The following TENM1 variants were observed in gnomAD, a reference collection of about 807,000 sequenced individuals.
The protein encoded by TENM1 is teneurin transmembrane protein 1.
A neutral mutation model predicts 174.8 loss-of-function variants in TENM1; 35 were observed. The ratio of observed to expected loss-of-function variants is 0.20; its 90% confidence interval spans 0.15 to 0.27. The LOEUF is 0.27. TENM1 is among the 10% of genes least tolerant of loss of function. The probability of loss-of-function intolerance (pLI) is 1.00; values close to 1 mark genes in which losing one functional copy is unlikely to be tolerated. For synonymous variants in TENM1, 781 were observed against 798.7 expected, an observed-to-expected ratio of 0.98 and a Z score of 0.37; for missense variants, 1,633 against 2,130.1, an observed-to-expected ratio of 0.77 and a Z score of 4.59.
intron 3 of TENM1, among the ~76,000 whole-genome samples, chrX:124,775,564 T>G (rs762793329): frequency 1.0e-3 from 115 of 112,146 alleles, no homozygotes; most frequent in African/African-American, 3.4e-3. Flanking sequence ...TCTTGTCTGA[T>G]AGCGAGAGAG....
At chrX:124,804,296 C>G (rs1437647511) in intron 3 of TENM1, among the ~76,000 whole-genome samples, 1 of 111,904 alleles carries the variant, frequency 8.9e-6, no homozygotes, top group East Asian at 2.8e-4. Flanking sequence ...CAAAGAGGAC[C>G]TTATTTCCTA....
chrX:124,823,993 C>T (rs1262594992), intron 3 of TENM1, among the ~76,000 whole-genome samples: 1 of 111,694 alleles, frequency 9.0e-6, no homozygotes, highest in Non-Finnish European at 1.9e-5. Flanking sequence ...TAAAGCATTT[C>T]AGCTAATACT....
chrX:124,647,125 G>A (rs1208693936), intron 8 of TENM1, among the ~76,000 whole-genome samples: 2 of 111,763 alleles, frequency 1.8e-5, no homozygotes, highest in Non-Finnish European at 3.8e-5. Context: ...GCTAAAAAAT[G>A]TACCAGGATT....
rs192520620 is a variant in TENM1, at chrX:124,739,396, A to G, written c.536-2199T>C. On this transcript the variant is annotated intron_variant, in intron 3 of 31. Transcript: ENST00000422452. ...CTCCACTCGCCATTTTACAGATGAG[A>G]AACCCAAGACCCAAAGAGGTGAACT... is the stretch of plus-strand genomic sequence containing the variant. Among the ~76,000 whole-genome samples the G allele has an allele frequency of 4.5e-5, 5 of 111,935 alleles. No homozygotes were observed. In the East Asian group the frequency reaches 1.4e-3, roughly 32 times the overall value.
At chrX:124,471,103 C>T (rs1444126664) in intron 22 of TENM1, among the ~76,000 whole-genome samples, 1 of 88,088 alleles carries the variant, frequency 1.1e-5, no homozygotes, top group East Asian at 3.4e-4. Flanking sequence ...AACTTTCTCT[C>T]TCTATATACA....
chrX:124,543,783 T>G (rs749356358), intron 15 of TENM1, among the ~76,000 whole-genome samples: 1 of 111,150 alleles, frequency 9.0e-6, no homozygotes, highest in South Asian at 3.8e-4. Flanking sequence ...CCCAAGATCT[T>G]CACCATGGGC....
intron 18 of TENM1, among the ~76,000 whole-genome samples, chrX:124,507,294 T>C (rs996318953): frequency 5.4e-5 from 6 of 111,061 alleles, no homozygotes; most frequent in African/African-American, 2.0e-4. Context: ...TATGGAATAA[T>C]ACTTTCTCTG....
chrX:125,005,407 TTGTGTGTGTG>T, the TENM1 span, among the ~76,000 whole-genome samples: 30 of 89,491 alleles, frequency 3.4e-4, no homozygotes, highest in South Asian at 3.7e-3. Flanking sequence ...CCTGACTTGG[TTGTGTGTGTG>T]TGTGTGTGTG....
At chrX:124,821,928 A>T (rs769449222) in intron 3 of TENM1, among the ~76,000 whole-genome samples, 1 of 112,107 alleles carries the variant, frequency 8.9e-6, no homozygotes, top group African/African-American at 3.2e-5. Context: ...CTAGGGTACA[A>T]TTATGGCCTG....
At chrX:125,142,163 C>T in the TENM1 span, among the ~76,000 whole-genome samples, 2 of 111,546 alleles carry the variant, frequency 1.8e-5, no homozygotes, top group Admixed American at 9.6e-5. Context: ...ACTTTTATTG[C>T]TTTTTACGCT....
chrX:124,406,253 AG>A, intron 26 of TENM1, 63 bp downstream of exon 29: 1 of 889,741 alleles, frequency 1.1e-6, no homozygotes, highest in East Asian at 3.1e-5. Context: ...TGGTGTACGC[AG>A]GTTTCAAGGT....
intron 1 of TENM1, among the ~76,000 whole-genome samples, chrX:124,916,343 T>A (rs2147659237): frequency 9.0e-6 from 1 of 111,512 alleles, no homozygotes; most frequent in Non-Finnish European, 1.9e-5. Context: ...GGTCTTGTCC[T>A]GTCACTCAGG....
At chrX:124,891,558 C>T (rs1217800070) in intron 3 of TENM1, among the ~76,000 whole-genome samples, 1 of 109,129 alleles carries the variant, frequency 9.2e-6, no homozygotes, top group Non-Finnish European at 1.9e-5. Context: ...ACTTGGGAGG[C>T]TGAGGCAGGA....
intron 3 of TENM1, among the ~76,000 whole-genome samples, chrX:124,827,270 C>T (rs759018235): frequency 2.0e-4 from 22 of 111,561 alleles, no homozygotes; most frequent in Admixed American, 6.7e-4. Context: ...AGGCTGGTCT[C>T]GAACTCCTGA....
chrX:124,674,717 A>C (rs955280519), intron 5 of TENM1, among the ~76,000 whole-genome samples: 5 of 110,839 alleles, frequency 4.5e-5, no homozygotes, highest in African/African-American at 6.5e-5. Context: ...TTGCCAATGG[A>C]CTCTAGTTTA....
At chrX:125,161,507 C>T in the TENM1 span, among the ~76,000 whole-genome samples, 1 of 111,621 alleles carries the variant, frequency 9.0e-6, no homozygotes, top group Non-Finnish European at 1.9e-5. Flanking sequence ...ACCTTGAAAA[C>T]ATTATGCTTA....
chrX:125,049,691 T>C, the TENM1 span, among the ~76,000 whole-genome samples: 1 of 111,713 alleles, frequency 9.0e-6, no homozygotes, highest in East Asian at 2.8e-4. Context: ...AAATACTTGG[T>C]ATTGTCTTTA....
chrX:125,063,578 C>T, the TENM1 span, among the ~76,000 whole-genome samples: 1 of 111,860 alleles, frequency 8.9e-6, no homozygotes, highest in South Asian at 3.7e-4. Context: ...TCATCACTGG[C>T]CATCAGAGAA....
Position 124,592,470 on chromosome X carries a change from C to G in TENM1, c.2078-26910G>C, listed in dbSNP as rs1486042606. Reference sequence around the variant, plus strand: ...TTTTTTTTTGAGACAGAGTATTGCTCTGTCACCCAGGCTAGAGTGTAGTAG... The same window carrying G: ...TTTTTTTTTGAGACAGAGTATTGCTGTGTCACCCAGGCTAGAGTGTAGTAG... On this transcript the variant is annotated intron_variant, in intron 11 of 31. Transcript: ENST00000422452. 3.2e-5 allele frequency among the ~76,000 whole-genome samples: 3 copies of G among 92,449 alleles called. No individual in the cohort carries two copies. In the East Asian group the frequency reaches 1.1e-3, roughly 33 times the overall value. 80.3% of individuals were successfully genotyped at this position (92,449 alleles called of 115,157 possible).
Sources: allele counts gnomAD v4.1 joint callset (sites outside exome capture counted in the v4.1 genomes callset), GRCh38; gene constraint gnomAD v4.1.1; transcripts MANE v1.5; gene names NCBI Gene and HGNC (gene_info 2026-07-23, HGNC 2026-07-21).